Variants in ATP8B1 observed in about 807,000 individuals in gnomAD.
ATP8B1 encodes phospholipid-transporting ATPase IC.
In ATP8B1, 80 loss-of-function variants were observed where a neutral mutation model predicts 149.9. The ratio of observed to expected loss-of-function variants is 0.53; its 90% CI spans 0.45 to 0.64. ATP8B1 has a LOEUF of 0.64. Among genes scored for constraint, ATP8B1 ranks in the 30% least tolerant of loss-of-function variants. ATP8B1 has a pLI of 0.00. For synonymous variants in ATP8B1, 536 were observed against 562.8 expected, an observed-to-expected ratio of 0.95 and a Z score of 0.67; for missense variants, 1,247 against 1,552.6, an observed-to-expected ratio of 0.80 and a Z score of 3.31.
chr18:57,728,771 G>A (rs537445091), intron 2 of ATP8B1, among the ~76,000 whole-genome samples: 25 of 148,996 alleles, frequency 1.7e-4, no homozygotes, highest in Admixed American at 2.7e-4. Context: ...CCAGGATGGC[G>A]TGTAGTGGTG....
rs59140378 is a variant in ATP8B1, at chr18:57,735,967, G to GCC, written c.-25-4137_-25-4136dup. On this transcript the variant is annotated intron_variant, in intron 1 of 27. Coordinates refer to ENST00000648908, the MANE Select transcript of ATP8B1 (RefSeq NM_001374385.1). ...TTGTCCTAATACTCTCCCATTCCTTGCCCCCCCCACCCCCACCCCCAACAG... is the reference window on the plus strand; with the variant it reads ...TTGTCCTAATACTCTCCCATTCCTTGCCCCCCCCCCACCCCCACCCCCAACAG... Among the ~76,000 whole-genome samples the GCC allele has an allele frequency of 8.2e-3, 1,108 of 134,398 alleles. 12 individuals are homozygous for GCC. Among genetic ancestry groups the GCC allele is most frequent in the African/African-American group, 0.029 (990 of 34,684 alleles). 88.2% of individuals were successfully genotyped at this position (134,398 alleles called of 152,430 possible). A position where few individuals can be genotyped will look rare whatever the true frequency, so the allele number is the denominator to read the frequency against.
intron 1 of ATP8B1, among the ~76,000 whole-genome samples, chr18:57,741,820 C>G (rs2079916620): frequency 6.6e-6 from 1 of 152,142 alleles, no homozygotes; most frequent in African/African-American, 2.4e-5. Context: ...TCTCTATTTT[C>G]CTAGTTAGTC....
chr18:57,685,445 T>C (rs1333479094), intron 13 of ATP8B1, among the ~76,000 whole-genome samples: 1 of 152,088 alleles, frequency 6.6e-6, no homozygotes, highest in East Asian at 1.9e-4. Flanking sequence ...ATACTTCTTA[T>C]GAGAAAAGGC....
chr18:57,777,543 G>A (rs2080315856), intron 1 of ATP8B1, among the ~76,000 whole-genome samples: 1 of 152,152 alleles, frequency 6.6e-6, no homozygotes, highest in Non-Finnish European at 1.5e-5. Flanking sequence ...GTTAAAAGGA[G>A]GCAGGAAAAC....
chr18:57,790,603 T>C (rs2080455546), intron 1 of ATP8B1, among the ~76,000 whole-genome samples: 1 of 152,180 alleles, frequency 6.6e-6, no homozygotes, highest in Non-Finnish European at 1.5e-5. Context: ...ACTGGTACTT[T>C]CTTATCCTCT....
intron 1 of ATP8B1, among the ~76,000 whole-genome samples, chr18:57,782,499 TGA>T (rs777209631): frequency 6.6e-6 from 1 of 152,230 alleles, no homozygotes; most frequent in Non-Finnish European, 1.5e-5. Flanking sequence ...TGACTACGCA[TGA>T]GAGAATCAGC....
intron 2 of ATP8B1, among the ~76,000 whole-genome samples, chr18:57,720,471 C>G (rs2079632720): frequency 1.1e-5 from 1 of 88,850 alleles, no homozygotes; most frequent in South Asian, 4.7e-4. Context: ...GGAGCCGATG[C>G]GATCAACTGG....
intron 1 of ATP8B1, among the ~76,000 whole-genome samples, chr18:57,744,147 T>C (rs1212343336): frequency 1.3e-5 from 2 of 151,854 alleles, no homozygotes; most frequent in African/African-American, 4.8e-5. Flanking sequence ...AAACCCCATC[T>C]CTACTAAAAA....
At chr18:57,659,370 T>C (rs527815) in intron 22 of ATP8B1, among the ~76,000 whole-genome samples, 31,717 of 152,074 alleles carry the variant, frequency 0.21, 3,875 homozygotes, top group Middle Eastern at 0.28. Context: ...ACATTGACTT[T>C]GTGCAATCCC....
chr18:57,668,565 A>AAAG (rs1911035585), intron 18 of ATP8B1, 25 bp from the exon 19 acceptor site: 1 of 1,450,130 alleles, frequency 6.9e-7, no homozygotes, highest in Admixed American at 2.0e-5. Flanking sequence ...AAAAAAAAAA[A>AAAG]AAAAAGGAAT....
chr18:57,668,098 G>A, intron 19 of ATP8B1: 2 of 1,325,422 alleles, frequency 1.5e-6, no homozygotes, highest in South Asian at 2.5e-5. Context: ...CCCACCAAAT[G>A]TCAAAGCACT....
intron 4 of ATP8B1, among the ~76,000 whole-genome samples, chr18:57,704,345 G>A (rs968013757): frequency 6.6e-6 from 1 of 152,164 alleles, no homozygotes; most frequent in Non-Finnish European, 1.5e-5. Flanking sequence ...TTAAAATACA[G>A]AATTAGAATA....
At chr18:57,741,179 A>G (rs1451503454) in intron 1 of ATP8B1, among the ~76,000 whole-genome samples, 3 of 151,032 alleles carry the variant, frequency 2.0e-5, no homozygotes, top group African/African-American at 7.3e-5. Context: ...CTTGGGATCC[A>G]CCCACCTTGG....
chr18:57,650,275 C>A, intron 27 of ATP8B1, 92 bp downstream of exon 27: 1 of 1,505,488 alleles, frequency 6.6e-7, no homozygotes, highest in Non-Finnish European at 9.2e-7. Flanking sequence ...CCAAACTTCC[C>A]ATGAGCTTAG....
intron 2 of ATP8B1, among the ~76,000 whole-genome samples, chr18:57,719,935 A>G (rs2070528095): frequency 6.6e-6 from 1 of 151,942 alleles, no homozygotes; most frequent in Non-Finnish European, 1.5e-5. Flanking sequence ...TGGGTCCCTG[A>G]CCCCTGACCC....
chr18:57,719,567 C>T (rs1308574195), intron 2 of ATP8B1, among the ~76,000 whole-genome samples: 3 of 152,192 alleles, frequency 2.0e-5, no homozygotes, highest in Non-Finnish European at 1.5e-5. Flanking sequence ...TGAAAAACGG[C>T]GCACCTAGAG....
chr18:57,756,236 C>CACACACACACAT (rs1270164219), intron 1 of ATP8B1, among the ~76,000 whole-genome samples: 15 of 106,144 alleles, frequency 1.4e-4, no homozygotes, highest in Non-Finnish European at 2.5e-4. Context: ...CACACACACA[C>CACACACACACAT]ATATATACAC....
At chr18:57,782,635 A>G (rs1182924145) in intron 1 of ATP8B1, among the ~76,000 whole-genome samples, 1 of 152,152 alleles carries the variant, frequency 6.6e-6, no homozygotes, top group African/African-American at 2.4e-5. Context: ...AATGGTGCGC[A>G]CACACACAGA....
chr18:57,721,646 T>C (rs2079647286), intron 2 of ATP8B1, among the ~76,000 whole-genome samples: 1 of 146,388 alleles, frequency 6.8e-6, no homozygotes, highest in Non-Finnish European at 1.5e-5. Flanking sequence ...ACATTAATAA[T>C]GGGAGACTTT....
Sources: gnomAD v4.1 joint callset for allele counts (sites outside exome capture counted in the v4.1 genomes callset) on GRCh38, gnomAD v4.1.1 for gene constraint, MANE v1.5 for transcripts, NCBI Gene and HGNC (gene_info 2026-07-23, HGNC 2026-07-21) for gene names.